KLHL35: variants seen among roughly 807,000 people sequenced by gnomAD.
The protein encoded by KLHL35 is kelch like family member 35, also known as kelch-like protein 35.
KLHL35 carries 50 observed loss-of-function variants against 44.0 expected under a neutral mutation model. The ratio of observed to expected loss-of-function variants is 1.14; its 90% CI spans 0.91 to 1.44. The LOEUF is 1.44. Ranked by LOEUF, KLHL35 falls within the 40% of genes most tolerant of loss-of-function variation. The pLI, the probability that KLHL35 is intolerant of heterozygous loss-of-function variation, is 0.00. For missense variants in KLHL35, 1,049 were observed against 887.8 expected, an observed-to-expected ratio of 1.18 and a Z score of -2.31; for synonymous variants, 470 against 410.4, an observed-to-expected ratio of 1.15 and a Z score of -1.76.
intron 1 of KLHL35, among the ~76,000 whole-genome samples, chr11:75,431,682 G>A (rs924328459): frequency 1.3e-5 from 2 of 152,250 alleles, no homozygotes; most frequent in Middle Eastern, 3.4e-3. Flanking sequence ...CGGTGTGGCC[G>A]GGGCAAGTCA....
intron 3 of KLHL35, among the ~76,000 whole-genome samples, chr11:75,427,084 T>C (rs1385657248): frequency 6.6e-6 from 1 of 152,178 alleles, no homozygotes; most frequent in Non-Finnish European, 1.5e-5. Context: ...CTCCCTCCCT[T>C]CTGCCTTCAC....
rs773423613 is a variant in KLHL35 at position 75,425,468 on chromosome 11, C to T, written c.1299G>A (p.Ser433=). The change falls in exon 5 of 7, where the codon TCG becomes TCA. Residue 433 remains serine (S), a synonymous_variant. Coordinates refer to ENST00000539798, the MANE Select transcript of KLHL35 (RefSeq NM_001039548.3). The stretch of plus-strand genomic sequence containing the variant: ...TGCCCGCGCAGGACGCCACCGCCGC[C>T]GAGCTCACGGCCTCCGGGAGGGGCG... The part of the protein sequence containing the change: ...AAAPLPEAVS[S]AAVASCAGKL... 10 of 1,573,644 alleles carry T rather than the reference C, an allele frequency of 6.4e-6. No homozygotes were observed. Among genetic ancestry groups the T allele is most frequent in the Non-Finnish European group, 7.7e-6 (9 of 1,165,360 alleles).
intron 2 of KLHL35, among the ~76,000 whole-genome samples, chr11:75,429,048 A>G (rs1385389780): frequency 6.6e-6 from 1 of 152,088 alleles, no homozygotes; most frequent in Non-Finnish European, 1.5e-5. Context: ...GTCTGTCGCT[A>G]ACTCATCTTC....
In KLHL35 at chr11:75,425,574, G is replaced by A. The variant is rs757423826; in HGVS notation, c.1193C>T (p.Ala398Val). 3.8e-5 allele frequency: 56 copies of A among 1,478,120 alleles called. No individual in the cohort carries two copies. Among genetic ancestry groups the A allele is most frequent in the Middle Eastern group, 1.9e-4 (1 of 5,136 alleles). 91.6% of individuals were successfully genotyped at this position (1,478,120 alleles called of 1,614,324 possible). ...KMAVVQGQLFAVGGFDGLRRL... is the reference protein window; with the variant it reads ...KMAVVQGQLFVVGGFDGLRRL... ...CCTCAGGCCGTCGAAGCCACCCACC[G>A]CGAACAGCTGCAAGTGAGGACATGG... Residue 398 changes from alanine (A) to valine (V), a missense_variant, in exon 5 of 7, where the codon GCG becomes GTG. By Grantham distance (64) the Ala-to-Val change is moderately conservative. Coordinates refer to ENST00000539798, the MANE Select transcript of KLHL35 (RefSeq NM_001039548.3).
In KLHL35 at chr11:75,423,916, G is replaced by GCC. The variant is rs200478992; in HGVS notation, c.1375-38_1375-37dup. 1.0e-5 allele frequency: 15 copies of GCC among 1,482,586 alleles called. No individual in the cohort carries two copies. In the African/African-American group the frequency reaches 1.7e-4, roughly 17 times the overall value. The allele number at this position is 1,482,586 out of a possible 1,614,324, so 91.8% of individuals were successfully genotyped here. A position where few individuals can be genotyped will look rare whatever the true frequency, so the allele number is the denominator to read the frequency against. On this transcript the variant is annotated intron_variant, in intron 5 of 6. Transcript: ENST00000539798. Reference sequence around the variant, plus strand: ...AGAGCAGCAGTGGTGAAGACTCACCGCCCCCCCCAACAAATGCCCCACCGC... The same window carrying GCC: ...AGAGCAGCAGTGGTGAAGACTCACCGCCCCCCCCCCAACAAATGCCCCACCGC...
Position 75,430,593 on chromosome 11 carries a change from C to G in KLHL35, c.37G>C (p.Gly13Arg), listed in dbSNP as rs1163555484. The G allele has an allele frequency of 5.6e-6, 8 of 1,423,070 alleles. 1 individual carries two copies. The highest frequency in any genetic ancestry group is 3.0e-5 in the East Asian group (1 of 33,108). 88.2% of individuals were successfully genotyped at this position (1,423,070 alleles called of 1,614,324 possible). The change falls in exon 2 of 7, where the codon GGC becomes CGC. Residue 13 changes from glycine to arginine, a missense_variant. Gly to Arg is a moderately radical substitution (Grantham distance 125, BLOSUM62 -2). Transcript: ENST00000539798. Reference protein sequence around the residue: ...QGHAPEESEPGCEAPCAGPCH... With the variant: ...QGHAPEESEPRCEAPCAGPCH... Reference sequence around the variant, plus strand: ...GGACCCGCGCACGGCGCTTCGCAGCCCGGCTCCGACTCCTCCGGCGCATGG... The same window carrying G: ...GGACCCGCGCACGGCGCTTCGCAGCGCGGCTCCGACTCCTCCGGCGCATGG...
intron 1 of KLHL35, among the ~76,000 whole-genome samples, chr11:75,431,474 G>T (rs1189563705): frequency 1.3e-5 from 2 of 152,178 alleles, no homozygotes; most frequent in Non-Finnish European, 2.9e-5. Context: ...AGGTGGAGGG[G>T]AGTCAGGGAG....
intron 1 of KLHL35, among the ~76,000 whole-genome samples, chr11:75,431,492 C>G (rs1476232613): frequency 1.3e-5 from 2 of 152,092 alleles, no homozygotes; most frequent in African/African-American, 4.8e-5. Flanking sequence ...GAGGGCGTCC[C>G]TGAGGGGAAC....
rs1169193418 is a variant in KLHL35, at chr11:75,422,745, A to G, written c.1587T>C (p.Cys529=). 4 of 1,613,450 alleles carry G rather than the reference A, an allele frequency of 2.5e-6. No homozygotes were observed. Among genetic ancestry groups the G allele is most frequent in the Non-Finnish European group, 3.4e-6 (4 of 1,179,534 alleles). The change falls in exon 7 of 7, where the codon TGT becomes TGC. Residue 529 remains cysteine, a synonymous_variant. Transcript: ENST00000539798. ...CGCCAAGGATGTGGACCTTCCCGTC[A>G]CACACAGTGACTCCACAGCTTTCCT... is the stretch of plus-strand genomic sequence containing the variant. ...SPVESCGVTV[C]DGKVHILGGR...
chr11:75,426,432 CAA>C, intron 4 of KLHL35, 86 bp downstream of exon 4: 1 of 870,010 alleles, frequency 1.1e-6, no homozygotes. Flanking sequence ...CCCCTTCTTA[CAA>C]AGAGAGGGTT....
At chr11:75,425,347 G>A in intron 5 of KLHL35, 46 bp downstream of exon 5, 4 of 1,486,982 alleles carry the variant, frequency 2.7e-6, no homozygotes, top group Non-Finnish European at 3.6e-6. Flanking sequence ...CACACAGTGG[G>A]CACCCCAGCC....
intron 5 of KLHL35, chr11:75,424,119 T>G (rs1240876385): frequency 4.2e-6 from 2 of 472,052 alleles, no homozygotes; most frequent in Admixed American, 7.5e-5. Flanking sequence ...GTCAAAAGCC[T>G]CCTCATCTTT....
intron 1 of KLHL35, among the ~76,000 whole-genome samples, chr11:75,432,761 G>T (rs1323054367): frequency 2.0e-5 from 3 of 152,184 alleles, no homozygotes; most frequent in Non-Finnish European, 4.4e-5. Context: ...ACGACACCCA[G>T]TTGGAACACA....
Position 75,430,568 on chromosome 11 carries a change from G to C in KLHL35, c.62C>G (p.Pro21Arg). 6.9e-7 allele frequency: 1 copy of C among 1,451,306 alleles called. No individual in the cohort carries two copies. The highest frequency in any genetic ancestry group is 9.0e-7 in the Non-Finnish European group (1 of 1,107,026). The allele number at this position is 1,451,306 out of a possible 1,614,324, so 89.9% of individuals were successfully genotyped here. ...CTGCAGCACGCGCTGCGCGTGGCAC[G>C]GACCCGCGCACGGCGCTTCGCAGCC... ...EPGCEAPCAG[P>R]CHAQRVLQAL... Residue 21 changes from proline to arginine, a missense_variant, in exon 2 of 7, where the codon CCG becomes CGG. Coordinates refer to ENST00000539798, the MANE Select transcript of KLHL35 (RefSeq NM_001039548.3).
rs1336960850 is a variant in KLHL35 at position 75,429,933 on chromosome 11, C to G, written c.697G>C (p.Gly233Arg). ...TGCTCCAGCAGGCGTCGCAGCTGGC[C>G]GCGGCGGGCCGGCGCGTCGTGGCGC... is the stretch of plus-strand genomic sequence containing the variant. ...WVRHDAPARRGQLRRLLEHVR... is the reference protein window; with the variant it reads ...WVRHDAPARRRQLRRLLEHVR... The change falls in exon 2 of 7, where the codon GGC (glycine) becomes CGC (arginine). Residue 233 changes from glycine (G) to arginine (R), a missense_variant. Transcript: ENST00000539798. 2.7e-6 allele frequency: 4 copies of G among 1,462,384 alleles called. No homozygotes were observed. The highest frequency in any genetic ancestry group is 2.6e-5 in the Admixed American group (1 of 37,812). 90.6% of individuals were successfully genotyped at this position (1,462,384 alleles called of 1,614,324 possible). A position where few individuals can be genotyped will look rare whatever the true frequency, so the allele number is the denominator to read the frequency against.
At chr11:75,423,588 A>G (rs1948467686) in intron 6 of KLHL35, 104 bp downstream of exon 6, 2 of 872,164 alleles carry the variant, frequency 2.3e-6, no homozygotes, top group Admixed American at 2.0e-5. Flanking sequence ...CTAGAGAGTG[A>G]TGTATAATAA....
intron 6 of KLHL35, 185 bp from the exon 7 acceptor site, chr11:75,422,953 C>T (rs1327785380): frequency 1.2e-5 from 7 of 597,146 alleles, no homozygotes; most frequent in Non-Finnish European, 2.1e-5. Flanking sequence ...CAGTGAATGG[C>T]GTTAGGCAAG....
At chr11:75,425,661 CTT>C in intron 4 of KLHL35, 80 bp from the exon 5 acceptor site, 1 of 1,242,918 alleles carries the variant, frequency 8.0e-7, no homozygotes, top group South Asian at 1.8e-5. Flanking sequence ...TCCTTACAGT[CTT>C]TGAGCTGGAA....
chr11:75,423,518 T>A, intron 6 of KLHL35, 174 bp downstream of exon 6: 1 of 629,910 alleles, frequency 1.6e-6, no homozygotes, highest in Non-Finnish European at 2.8e-6. Context: ...GTGCTGAACC[T>A]CTCTAAGGCC....
Sources: gnomAD v4.1 joint callset for allele counts (sites outside exome capture counted in the v4.1 genomes callset) on GRCh38, gnomAD v4.1.1 for gene constraint, MANE v1.5 for transcripts, NCBI Gene and HGNC (gene_info 2026-07-23, HGNC 2026-07-21) for gene names.